Variants in ADCY3 observed in about 807,000 individuals in gnomAD.
ADCY3 encodes adenylate cyclase 3, also known as adenylate cyclase type 3.
Under a neutral mutation model 119.4 loss-of-function variants are expected in ADCY3, and 70 were observed. The ratio of observed to expected loss-of-function variants is 0.59; its 90% CI spans 0.48 to 0.72. The LOEUF (loss-of-function observed/expected upper bound fraction) is 0.72. Ranked by LOEUF, ADCY3 falls within the 30% of genes least tolerant of loss-of-function variation. The pLI is 0.00. For synonymous variants in ADCY3, 672 were observed against 621.4 expected (o/e 1.08, Z -1.21); for missense variants, 1,238 against 1,541.6 (o/e 0.80, Z 3.30).
chr2:24,857,472 A>G (rs982084896), intron 3 of ADCY3, among the ~76,000 whole-genome samples: 2 of 152,282 alleles, frequency 1.3e-5, no homozygotes, highest in Admixed American at 6.5e-5. Flanking sequence ...TTTGCTGTCC[A>G]ATATGGCAGC....
intron 2 of ADCY3, among the ~76,000 whole-genome samples, chr2:24,910,463 G>T (rs1014378359): frequency 9.2e-5 from 14 of 152,122 alleles, no homozygotes; most frequent in Admixed American, 6.5e-4. Flanking sequence ...TTACACAGCA[G>T]TGGATAACTA....
rs75629912 is a variant in ADCY3, at chr2:24,828,175, C to T, written c.2173-14G>A. 807 of 1,611,654 alleles carry T rather than the reference C, an allele frequency of 5.0e-4. No homozygotes were observed. Among genetic ancestry groups the T allele is most frequent in the Non-Finnish European group, 6.4e-4 (756 of 1,178,914 alleles). Reference sequence around the variant, plus strand: ...GAGACAGCTGAGCTGGAGGCCAGGACGGCGGGCAGGGACACACGTTCAAGA... The same window carrying T: ...GAGACAGCTGAGCTGGAGGCCAGGATGGCGGGCAGGGACACACGTTCAAGA... On this transcript the variant is annotated splice_polypyrimidine_tract_variant and intron_variant, in intron 13 of 21. Transcript: ENST00000679454.
At chr2:24,843,487 A>T (rs1265858508) in intron 3 of ADCY3, among the ~76,000 whole-genome samples, 1 of 152,206 alleles carries the variant, frequency 6.6e-6, no homozygotes, top group Non-Finnish European at 1.5e-5. Context: ...CTGTTTTCAT[A>T]AAGTTTTCCT....
chr2:24,856,893 T>C (rs931317490), intron 3 of ADCY3, among the ~76,000 whole-genome samples: 1 of 152,154 alleles, frequency 6.6e-6, no homozygotes, highest in African/African-American at 2.4e-5. Context: ...AGCCAAATGC[T>C]GTAGGAACGT....
rs558677686 is a variant in ADCY3 at position 24,899,573 on chromosome 2, G to A, written c.675+18740C>T. On this transcript the variant is annotated intron_variant, in intron 2 of 21. Transcript: ENST00000679454. This position sits in a 1 kb window ranked among gnomAD's most constrained non-coding sequence, Gnocchi z 4.5. ...CCCTGACTCTTCCTCAGCTCGAGAGGTGGCTGTGGCTCAAGGAGGCCACCA... is the reference window on the plus strand; with the variant it reads ...CCCTGACTCTTCCTCAGCTCGAGAGATGGCTGTGGCTCAAGGAGGCCACCA... Among the ~76,000 whole-genome samples, 2 of 152,342 alleles carry A rather than the reference G, an allele frequency of 1.3e-5. No individual in the cohort carries two copies. Among genetic ancestry groups the A allele is most frequent in the East Asian group, 3.9e-4 (2 of 5,182 alleles).
In ADCY3 at chr2:24,918,613, G is replaced by A; in HGVS notation, c.375C>T (p.Cys125=). 1.9e-6 allele frequency: 3 copies of A among 1,614,144 alleles called. No homozygotes were observed. The highest frequency in any genetic ancestry group is 2.5e-6 in the Non-Finnish European group (3 of 1,180,036). ...CCCGGTCCGGGAGCAGCCCCTTTTT[G>A]CAGAGCACGAAGAGGATGATGTCCA... ...LVLDIILFVL[C]KKGLLPDRVT... is the part of the protein sequence containing the mutation. The change falls in exon 2 of 22, where the codon TGC becomes TGT. Residue 125 remains cysteine, a synonymous_variant. Transcript: ENST00000679454. This position sits in a 1 kb window ranked among gnomAD's most constrained non-coding sequence, Gnocchi z 5.4.
rs767465373 is a variant in ADCY3 at position 24,841,107 on chromosome 2, C to T, written c.1196+152G>A. On this transcript the variant is annotated intron_variant, in intron 6 of 21. Transcript: ENST00000679454. The surrounding 1 kb of genome is among the most constrained non-coding windows in gnomAD (Gnocchi z 5.8). ...TCCCAGCTTCTAGAGCGGGAGCCTG[C>T]GCCACCCATCAACCAGTGCTGTGTC... is the stretch of plus-strand genomic sequence containing the variant. 421 of 905,202 alleles carry T rather than the reference C, an allele frequency of 4.7e-4. 1 individual carries two copies. Among genetic ancestry groups the T allele is most frequent in the Non-Finnish European group, 6.2e-4 (390 of 632,226 alleles). 56.1% of individuals were successfully genotyped at this position (905,202 alleles called of 1,614,324 possible).
chr2:24,915,093 GGAA>G (rs1664289070), intron 2 of ADCY3, among the ~76,000 whole-genome samples: 1 of 152,200 alleles, frequency 6.6e-6, no homozygotes, highest in African/African-American at 2.4e-5. Flanking sequence ...GGGCTGCAGA[GGAA>G]GAAGACTTTT....
chr2:24,829,658 G>A (rs934523411), intron 13 of ADCY3, among the ~76,000 whole-genome samples: 15 of 151,602 alleles, frequency 9.9e-5, no homozygotes, highest in South Asian at 2.1e-4. Flanking sequence ...TCCTGACCTC[G>A]TGATCCGCCC....
intron 3 of ADCY3, among the ~76,000 whole-genome samples, chr2:24,863,805 A>G (rs1027090876): frequency 6.6e-6 from 1 of 152,216 alleles, no homozygotes; most frequent in Admixed American, 6.5e-5. Flanking sequence ...CCAAATGAGG[A>G]TAAGGCAGGA....
At chr2:24,911,069 A>G (rs1033592707) in intron 2 of ADCY3, among the ~76,000 whole-genome samples, 1 of 151,786 alleles carries the variant, frequency 6.6e-6, no homozygotes, top group East Asian at 1.9e-4. Context: ...AACACTCAAC[A>G]CCCCAGACAT....
At chr2:24,852,192 AG>A (rs1452229054) in intron 3 of ADCY3, among the ~76,000 whole-genome samples, 1 of 152,174 alleles carries the variant, frequency 6.6e-6, no homozygotes, top group Non-Finnish European at 1.5e-5. Context: ...GAAACGGCCC[AG>A]CGGCTGCCTC....
intron 2 of ADCY3, among the ~76,000 whole-genome samples, chr2:24,903,030 C>T (rs544311015): frequency 2.4e-4 from 37 of 151,976 alleles, no homozygotes; most frequent in African/African-American, 8.9e-4. Context: ...GCCTATAGTC[C>T]CAGCCACTCA....
intron 3 of ADCY3, among the ~76,000 whole-genome samples, chr2:24,852,294 C>T (rs1232985741): frequency 6.6e-6 from 1 of 152,234 alleles, no homozygotes; most frequent in African/African-American, 2.4e-5. Flanking sequence ...ATCTGATGTC[C>T]TCAAAGACGT....
At position 24,819,429 on chromosome 2, in the gene ADCY3, T is replaced by C. The variant is rs1196957074; in HGVS notation, c.*503A>G. 6.5e-6 allele frequency: 1 copy of C among 153,006 alleles called. No individual in the cohort carries two copies. The highest frequency in any genetic ancestry group is 6.5e-5 in the Admixed American group (1 of 15,280). The allele number at this position is 153,006 out of a possible 1,614,324, so 9.5% of individuals were successfully genotyped here. On this transcript the variant is annotated 3_prime_UTR_variant, in exon 22 of 22. Transcript: ENST00000679454. ...TTCTCATGACTAAGGGGACAGGAGT[T>C]CCAGAAGAACCTTTCAAGATGATCA...
intron 2 of ADCY3, among the ~76,000 whole-genome samples, chr2:24,890,141 T>A (rs1244424885): frequency 6.6e-6 from 1 of 152,232 alleles, no homozygotes; most frequent in African/African-American, 2.4e-5. Flanking sequence ...AATTTTAAGA[T>A]GTTAAAACCA....
chr2:24,820,287 G>C, intron 21 of ADCY3, 173 bp from the exon 22 acceptor site: 3 of 1,280,104 alleles, frequency 2.3e-6, no homozygotes, highest in Non-Finnish European at 3.0e-6. Flanking sequence ...GCAGCGGGTG[G>C]GAAGGAGAAC....
chr2:24,891,695 T>G (rs1483773201), intron 2 of ADCY3, among the ~76,000 whole-genome samples: 1 of 152,156 alleles, frequency 6.6e-6, no homozygotes, highest in African/African-American at 2.4e-5. Context: ...TTGTGTGAGT[T>G]TTGCTGTTGC....
rs1162666461 is a variant in ADCY3, at chr2:24,918,198, A to C, written c.675+115T>G. The C allele has an allele frequency of 8.6e-7, 1 of 1,166,778 alleles. No individual in the cohort carries two copies. The highest frequency in any genetic ancestry group is 2.4e-5 in the Admixed American group (1 of 42,462). The allele number at this position is 1,166,778 out of a possible 1,614,324, so 72.3% of individuals were successfully genotyped here. A position where few individuals can be genotyped will look rare whatever the true frequency, so the allele number is the denominator to read the frequency against. On this transcript the variant is annotated intron_variant, in intron 2 of 21. Transcript: ENST00000679454. This position sits in a 1 kb window ranked among gnomAD's most constrained non-coding sequence, Gnocchi z 5.4. Reference sequence around the variant, plus strand: ...CTAGGGAGAGAGGTGAGAGCCCCGGAGGCCCCCAGGACACATTTTGACTCA... The same window carrying C: ...CTAGGGAGAGAGGTGAGAGCCCCGGCGGCCCCCAGGACACATTTTGACTCA...
Sources: gnomAD v4.1 joint callset for allele counts (sites outside exome capture counted in the v4.1 genomes callset) on GRCh38, gnomAD v4.1.1 for gene constraint, Gnocchi (gnomAD v3.1) non-coding constraint, MANE v1.5 for transcripts, NCBI Gene and HGNC (gene_info 2026-07-23, HGNC 2026-07-21) for gene names.